NFASC: variants seen among roughly 807,000 people sequenced by gnomAD.
NFASC encodes the protein neurofascin homolog.
A neutral mutation model predicts 147.5 loss-of-function variants in NFASC; 43 were observed. That is an observed-to-expected ratio of 0.29 (90% confidence interval 0.23 to 0.38). The LOEUF (loss-of-function observed/expected upper bound fraction) is 0.38. Ranked by LOEUF, NFASC falls within the 10% of genes least tolerant of loss-of-function variation. The pLI is 1.00. For synonymous variants in NFASC, 622 were observed against 665.5 expected (o/e 0.93, Z 1.01); for missense variants, 1,320 against 1,689.0 (o/e 0.78, Z 3.83).
At position 204,837,980 on chromosome 1, in the gene NFASC, T is replaced by C. The variant is rs576404960; in HGVS notation, c.-200+9198T>C. Among the ~76,000 whole-genome samples, 67 of 152,326 alleles carry C rather than the reference T, an allele frequency of 4.4e-4. 1 individual carries two copies. The South Asian group carries it at 0.013, about 30-fold the overall frequency. On this transcript the variant is annotated intron_variant, in intron 1 of 29. Coordinates refer to ENST00000339876, the MANE Select transcript of NFASC (RefSeq NM_001005388.3). ...GAATTCCAGCACACTGCTTCTTTCA[T>C]TATGAAAATGCACACCCTCTATTCA... is the stretch of plus-strand genomic sequence containing the variant.
chr1:204,962,179 T>C, intron 8 of NFASC: 1 of 1,607,602 alleles, frequency 6.2e-7, no homozygotes, highest in Non-Finnish European at 8.5e-7. Flanking sequence ...GCGGTAACCT[T>C]GGGAGTAACC....
At chr1:204,888,967 G>A (rs1220702935) in intron 1 of NFASC, among the ~76,000 whole-genome samples, 1 of 152,202 alleles carries the variant, frequency 6.6e-6, no homozygotes, top group Non-Finnish European at 1.5e-5. Flanking sequence ...CAGCTTGAGA[G>A]TTGAAGCACG....
intron 1 of NFASC, among the ~76,000 whole-genome samples, chr1:204,860,957 T>G (rs2076606954): frequency 1.3e-5 from 2 of 151,694 alleles, no homozygotes; most frequent in Admixed American, 6.6e-5. Flanking sequence ...ATGGCACATT[T>G]TTATTTCTCC....
intron 1 of NFASC, among the ~76,000 whole-genome samples, chr1:204,887,368 G>T (rs1016285055): frequency 6.6e-6 from 1 of 152,098 alleles, no homozygotes; most frequent in African/African-American, 2.4e-5. Context: ...ACCTTTATTT[G>T]CATGGATATA....
At chr1:205,007,973 G>A (rs1009534453) in intron 27 of NFASC, among the ~76,000 whole-genome samples, 1 of 152,156 alleles carries the variant, frequency 6.6e-6, no homozygotes, top group African/African-American at 2.4e-5. Context: ...AAGCAGGGAT[G>A]GGACTTTTCT....
intron 1 of NFASC, among the ~76,000 whole-genome samples, chr1:204,913,323 T>G (rs1432597507): frequency 6.6e-6 from 1 of 152,140 alleles, no homozygotes; most frequent in Admixed American, 6.6e-5. Context: ...TGATTTTCTT[T>G]AAGAAAGAAA....
chr1:204,937,274 C>T (rs557879816), intron 2 of NFASC, among the ~76,000 whole-genome samples: 15 of 152,270 alleles, frequency 9.9e-5, no homozygotes, highest in African/African-American at 3.6e-4. Flanking sequence ...CTAACGTGTT[C>T]GTTACAGTCG....
At chr1:204,847,214 A>G (rs1287854446) in intron 1 of NFASC, among the ~76,000 whole-genome samples, 3 of 152,120 alleles carry the variant, frequency 2.0e-5, no homozygotes, top group African/African-American at 7.2e-5. Flanking sequence ...AACAGTAGTA[A>G]TAATAATAGT....
chr1:204,900,520 G>A (rs1406415816), intron 1 of NFASC, among the ~76,000 whole-genome samples: 1 of 152,198 alleles, frequency 6.6e-6, no homozygotes, highest in East Asian at 1.9e-4. Flanking sequence ...AAATGCAGGG[G>A]ATATAGCAGT....
chr1:204,858,006 A>C (rs1227681028), intron 1 of NFASC, among the ~76,000 whole-genome samples: 83 of 136,240 alleles, frequency 6.1e-4, no homozygotes, highest in African/African-American at 2.2e-3. Context: ...TACGGCCTCC[A>C]CCTCCGGGGT....
chr1:204,988,181 T>TA (rs1276254751), intron 22 of NFASC, among the ~76,000 whole-genome samples: 1 of 152,260 alleles, frequency 6.6e-6, no homozygotes, highest in African/African-American at 2.4e-5. Flanking sequence ...TCTGTGCTTG[T>TA]ATGCTGTTCT....
rs1475178766 is a variant in NFASC at position 205,021,429 on chromosome 1, A to G, written c.*4890A>G. On this transcript the variant is annotated 3_prime_UTR_variant, in exon 30 of 30. Coordinates refer to ENST00000339876, the MANE Select transcript of NFASC (RefSeq NM_001005388.3). ...TAAATGGGTGTTCCATAATGAGGAG[A>G]ATGGAAATAGGTACAAGGCATCTAG... The G allele has an allele frequency of 6.6e-6, 1 of 152,622 alleles. No homozygotes were observed. Among genetic ancestry groups the G allele is most frequent in the Non-Finnish European group, 1.5e-5 (1 of 68,034 alleles). 9.5% of individuals were successfully genotyped at this position (152,622 alleles called of 1,614,324 possible).
intron 1 of NFASC, among the ~76,000 whole-genome samples, chr1:204,835,332 A>G (rs557076805): frequency 1.3e-5 from 2 of 149,426 alleles, no homozygotes; most frequent in South Asian, 2.1e-4. Context: ...AGGTCAAGCA[A>G]TTCTCCTGCC....
chr1:204,877,033 ATAT>A lies in NFASC; in HGVS notation c.-199-43597_-199-43595del, dbSNP rs2079063321. Among the ~76,000 whole-genome samples, 6 of 95,828 alleles carry A rather than the reference ATAT, an allele frequency of 6.3e-5. 1 individual carries two copies. In the East Asian group the frequency reaches 2.6e-3, roughly 42 times the overall value. 62.9% of individuals were successfully genotyped at this position (95,828 alleles called of 152,430 possible). A position where few individuals can be genotyped will look rare whatever the true frequency, so the allele number is the denominator to read the frequency against. On this transcript the variant is annotated intron_variant, in intron 1 of 29. Coordinates refer to ENST00000339876, the MANE Select transcript of NFASC (RefSeq NM_001005388.3). ...ATATATATATATATATATATAATAT[ATAT>A]TTATATATATATAATATATTTATTT...
chr1:204,840,230 A>G (rs543591309), intron 1 of NFASC, among the ~76,000 whole-genome samples: 6 of 152,288 alleles, frequency 3.9e-5, no homozygotes, highest in Non-Finnish European at 7.4e-5. Flanking sequence ...ACAAGGCCCT[A>G]CGCATGGGTT....
intron 21 of NFASC, chr1:204,985,883 C>T (rs1235335400): frequency 3.2e-6 from 5 of 1,549,574 alleles, no homozygotes; most frequent in Non-Finnish European, 4.4e-6. Context: ...CTGCCTGACC[C>T]CTCACCAGCC....
At chr1:204,837,047 T>C (rs184205233) in intron 1 of NFASC, among the ~76,000 whole-genome samples, 2 of 152,252 alleles carry the variant, frequency 1.3e-5, no homozygotes, top group African/African-American at 4.8e-5. Context: ...GACTCAGAAG[T>C]GTGGCATGAC....
intron 1 of NFASC, among the ~76,000 whole-genome samples, chr1:204,916,684 G>T (rs1011587725): frequency 6.6e-6 from 1 of 152,038 alleles, no homozygotes; most frequent in Non-Finnish European, 1.5e-5. Flanking sequence ...GAACATGTGG[G>T]TTTGACTCAC....
At chr1:204,906,739 G>C (rs1157073428) in intron 1 of NFASC, among the ~76,000 whole-genome samples, 1 of 150,618 alleles carries the variant, frequency 6.6e-6, no homozygotes, top group Non-Finnish European at 1.5e-5. Flanking sequence ...CTGGAGTGCA[G>C]TGGCGCGATC....
Sources: gnomAD v4.1 joint callset for allele counts (sites outside exome capture counted in the v4.1 genomes callset) on GRCh38, gnomAD v4.1.1 for gene constraint, MANE v1.5 for transcripts, NCBI Gene and HGNC (gene_info 2026-07-23, HGNC 2026-07-21) for gene names.